Variants in NFATC2 observed in about 807,000 individuals in gnomAD.
NFATC2 encodes nuclear factor of activated T-cells, cytoplasmic 2.
Under a neutral mutation model 87.3 loss-of-function variants are expected in NFATC2, and 22 were observed. The ratio of observed to expected loss-of-function variants is 0.25; its 90% CI spans 0.18 to 0.36. The LOEUF is 0.36. NFATC2 is among the 10% of genes least tolerant of loss of function. The pLI is 1.00. For missense variants in NFATC2, 1,149 were observed against 1,259.1 expected (o/e 0.91, Z 1.32); for synonymous variants, 565 against 542.2 (o/e 1.04, Z -0.58).
At chr20:51,511,034 T>C (rs1244067122) in intron 3 of NFATC2, among the ~76,000 whole-genome samples, 5 of 152,130 alleles carry the variant, frequency 3.3e-5, no homozygotes. Context: ...AAATTTCACA[T>C]AAAAATTCCA....
At chr20:51,405,791 T>C (rs1444899504) in intron 9 of NFATC2, among the ~76,000 whole-genome samples, 8 of 152,330 alleles carry the variant, frequency 5.3e-5, no homozygotes, top group East Asian at 1.9e-4. Flanking sequence ...CACCTCCTAA[T>C]TGATAGGACT....
rs193260977 is a variant in NFATC2 at position 51,472,210 on chromosome 20, G to A, written c.1708+1770C>T. 8.9e-4 allele frequency among the ~76,000 whole-genome samples: 136 copies of A among 152,280 alleles called. 2 individuals carry two copies. The highest frequency in any genetic ancestry group is 1.8e-3 in the Admixed American group (28 of 15,294). On this transcript the variant is annotated intron_variant, in intron 5 of 10. Coordinates refer to ENST00000371564, the MANE Select transcript of NFATC2 (RefSeq NM_012340.5). ...GTAGAAGTTGCAGTGAGCCAAGATCGCACCACGGCACTCCAGCCTGGATCA... is the reference window on the plus strand; with the variant it reads ...GTAGAAGTTGCAGTGAGCCAAGATCACACCACGGCACTCCAGCCTGGATCA...
intron 9 of NFATC2, among the ~76,000 whole-genome samples, chr20:51,399,791 G>C (rs1274498188): frequency 6.6e-6 from 1 of 152,204 alleles, no homozygotes; most frequent in African/African-American, 2.4e-5. Flanking sequence ...GTCTCCACTT[G>C]AAACTGACTT....
chr20:51,479,800 T>C (rs1323056870), intron 3 of NFATC2, among the ~76,000 whole-genome samples: 3 of 152,126 alleles, frequency 2.0e-5, no homozygotes, highest in East Asian at 3.9e-4. Context: ...CTTGTCCCAG[T>C]CAACACAGTG....
At chr20:51,550,026 T>C (rs1568756863) in intron 1 of NFATC2, among the ~76,000 whole-genome samples, 1 of 152,236 alleles carries the variant, frequency 6.6e-6, no homozygotes, top group South Asian at 2.1e-4. Flanking sequence ...ATACCCATGA[T>C]ACACTGAACA....
chr20:51,523,301 A>G lies in NFATC2; in HGVS notation c.940T>C (p.Ser314Pro). 6.2e-7 allele frequency: 1 copy of G among 1,613,756 alleles called. No homozygotes were observed. Among genetic ancestry groups the G allele is most frequent in the Non-Finnish European group, 8.5e-7 (1 of 1,179,818 alleles). Residue 314 changes from serine (S) to proline (P), a missense_variant, in exon 2 of 11, where the codon TCG becomes CCG. Around this residue, in one of 3 missense-constraint regions of NFATC2, gnomAD observed 563 missense variants for 585.2 expected, o/e 0.96. Transcript: ENST00000371564. The surrounding 1 kb of genome is among the most constrained non-coding windows in gnomAD (Gnocchi z 6.9). ...ATCTTGGGGGGGATCCCACAAGGCG[A>G]GTCCGTGGCGAGGCTGTTCAGGGCA... ...MDALNSLATD[S>P]PCGIPPKMWK...
At chr20:51,542,763 GC>G (rs1378234323), upstream of NFATC2, 3 of 206,254 alleles carry the variant, frequency 1.5e-5, no homozygotes, top group African/African-American at 8.3e-5. Context: ...GGGGGGGGGG[GC>G]GTGGAGGCGG....
At chr20:51,518,307 C>T (rs1319566664) in intron 2 of NFATC2, among the ~76,000 whole-genome samples, 1 of 152,160 alleles carries the variant, frequency 6.6e-6, no homozygotes, top group Non-Finnish European at 1.5e-5. Context: ...TAGCTCAGGG[C>T]TGCTAGGAGC....
chr20:51,506,323 A>G (rs1339955066), intron 3 of NFATC2, among the ~76,000 whole-genome samples: 1 of 152,218 alleles, frequency 6.6e-6, no homozygotes, highest in African/African-American at 2.4e-5. Context: ...GCCATTCCAC[A>G]TCATGTGCTT....
chr20:51,481,651 A>G (rs1989269866), intron 3 of NFATC2, among the ~76,000 whole-genome samples: 1 of 151,962 alleles, frequency 6.6e-6, no homozygotes, highest in Non-Finnish European at 1.5e-5. Flanking sequence ...GCTTGGTGCG[A>G]CTTCCATCCA....
chr20:51,482,730 C>A (rs1165797934), intron 3 of NFATC2, among the ~76,000 whole-genome samples: 1 of 152,174 alleles, frequency 6.6e-6, no homozygotes, highest in African/African-American at 2.4e-5. Flanking sequence ...TTACTATAGT[C>A]ACCATTCTGT....
intron 1 of NFATC2, among the ~76,000 whole-genome samples, chr20:51,552,604 A>T (rs1157798480): frequency 6.6e-6 from 1 of 152,146 alleles, no homozygotes; most frequent in Non-Finnish European, 1.5e-5. Flanking sequence ...CCCACTGGGC[A>T]GGCACTGATG....
chr20:51,478,499 C>T (rs934900589), intron 3 of NFATC2, among the ~76,000 whole-genome samples: 3 of 152,104 alleles, frequency 2.0e-5, no homozygotes, highest in Non-Finnish European at 4.4e-5. Context: ...AAAAATCTAT[C>T]GTGTCCCTAC....
upstream of NFATC2, chr20:51,562,707 C>G: frequency 7.1e-7 from 1 of 1,399,350 alleles, no homozygotes. The surrounding 1 kb of genome is among the most constrained non-coding windows in gnomAD (Gnocchi z 5.8). Flanking sequence ...GGGACGCCGT[C>G]TTCTCTACCG....
intron 10 of NFATC2, among the ~76,000 whole-genome samples, chr20:51,394,746 C>A (rs930629754): frequency 6.6e-6 from 1 of 152,218 alleles, no homozygotes. Context: ...GGTTTGGGTG[C>A]TGAACCACTC....
In NFATC2 at chr20:51,451,520, C is replaced by G. The variant is rs183928875; in HGVS notation, c.1849+3028G>C. ...GACAGCGCCCCTGCCAAGTCATTAT[C>G]TGGGCCAAACTGTCAATAATGCTGA... On this transcript the variant is annotated intron_variant, in intron 6 of 10. Coordinates refer to ENST00000371564, the MANE Select transcript of NFATC2 (RefSeq NM_012340.5). 4.2e-3 allele frequency among the ~76,000 whole-genome samples: 641 copies of G among 152,330 alleles called. 13 individuals are homozygous for G. The highest frequency in any genetic ancestry group is 3.6e-3 in the Non-Finnish European group (246 of 68,020).
intron 9 of NFATC2, among the ~76,000 whole-genome samples, chr20:51,430,946 C>G (rs1384590256): frequency 6.6e-6 from 1 of 152,180 alleles, no homozygotes. Flanking sequence ...CTGGGAATGA[C>G]AGCCAGCAAT....
At chr20:51,496,412 C>T (rs890099604) in intron 3 of NFATC2, among the ~76,000 whole-genome samples, 2 of 151,968 alleles carry the variant, frequency 1.3e-5, no homozygotes, top group African/African-American at 4.8e-5. Context: ...ACCATTCTTC[C>T]TTTACATCCT....
Position 51,562,263 on chromosome 20 carries a change from G to C in NFATC2, c.70+297C>G, listed in dbSNP as rs1417210900. Among the ~76,000 whole-genome samples the C allele has an allele frequency of 6.6e-6, 1 of 152,238 alleles. No individual in the cohort carries two copies. On this transcript the variant is annotated intron_variant, in intron 1 of 10. Coordinates refer to the NFATC2 transcript ENST00000414705. The surrounding 1 kb of genome is among the most constrained non-coding windows in gnomAD (Gnocchi z 5.8). ...CGGTTAGTAGCGAGAATCCCTCCCG[G>C]TGTCCCGTGGAGAGGAAAATCCTCC... is the stretch of plus-strand genomic sequence containing the variant.
Sources: allele counts gnomAD v4.1 joint callset (sites outside exome capture counted in the v4.1 genomes callset), GRCh38; gene constraint gnomAD v4.1.1; regional missense constraint gnomAD v4.1.1; non-coding constraint Gnocchi (gnomAD v3.1); transcripts MANE v1.5; gene names NCBI Gene and HGNC (gene_info 2026-07-23, HGNC 2026-07-21).